Variants in KIFC2 observed in about 807,000 individuals in gnomAD.
KIFC2 encodes the protein kinesin-like protein KIFC2.
Under a neutral mutation model 91.5 loss-of-function variants are expected in KIFC2, and 94 were observed. That is an observed-to-expected ratio of 1.03 (90% CI 0.87 to 1.22). The LOEUF (loss-of-function observed/expected upper bound fraction) is 1.22. Among genes scored for constraint, KIFC2 ranks in the 50% most tolerant of loss-of-function variants. KIFC2 has a pLI of 0.00. For missense variants in KIFC2, 1,357 were observed against 1,103.3 expected (o/e 1.23, Z -3.26); for synonymous variants, 729 against 503.9 (o/e 1.45, Z -5.98).
intron 12 of KIFC2, among the ~76,000 whole-genome samples, 193 bp from the exon 13 acceptor site, chr8:144,471,749 T>C (rs1325951596): frequency 6.6e-6 from 1 of 152,164 alleles, no homozygotes; most frequent in Non-Finnish European, 1.5e-5. Context: ...GGCAAATTCT[T>C]GCAAGCACCA....
rs1825059711 is a variant in KIFC2, at chr8:144,474,067, C to G, written c.*678C>G. ...AGACCAGGGTGAGGGTTGTGCCCAG[C>G]TGGGCCACGGCCATGCGTGGGGTGG... On this transcript the variant is annotated 3_prime_UTR_variant, in exon 18 of 18. Coordinates refer to ENST00000645548, the MANE Select transcript of KIFC2 (RefSeq NM_001369769.2). The G allele has an allele frequency of 2.6e-5, 16 of 609,698 alleles. No homozygotes were observed. Among genetic ancestry groups the G allele is most frequent in the Middle Eastern group, 4.4e-4 (1 of 2,254 alleles). The allele number at this position is 609,698 out of a possible 1,614,324, so 37.8% of individuals were successfully genotyped here.
Position 144,467,468 on chromosome 8 carries a change from G to C in KIFC2, c.470-17G>C. The stretch of plus-strand genomic sequence containing the variant: ...CTAGAGACCTCTTCAGTGCTAACTG[G>C]GCCCACCCTACTCCAGGATCCACAT... On this transcript the variant is annotated splice_polypyrimidine_tract_variant and intron_variant, in intron 4 of 17. Transcript: ENST00000645548. 1 of 1,550,864 alleles carries C rather than the reference G, an allele frequency of 6.4e-7. No homozygotes were observed. The highest frequency in any genetic ancestry group is 8.7e-7 in the Non-Finnish European group (1 of 1,151,840).
At chr8:144,470,754 C>T (rs1233570831) in intron 12 of KIFC2, 1 of 152,400 alleles carries the variant, frequency 6.6e-6, no homozygotes, top group African/African-American at 2.4e-5. Context: ...GCCACCATCC[C>T]CCGTACCTGC....
chr8:144,467,576 G>A lies in KIFC2; in HGVS notation c.561G>A (p.Gln187=), dbSNP rs761996209. ...AGACCCAGGGACAGCAGCCCCTCCA[G>A]TTGGAGGAGGATCAGAGGGCGTGGC... ...GDETQGQQPL[Q]LEEDQRAWQR... The change falls in exon 5 of 18, where the codon CAG becomes CAA. Residue 187 remains glutamine (Q), a synonymous_variant. Transcript: ENST00000645548. The A allele has an allele frequency of 2.9e-5, 47 of 1,605,056 alleles. No individual in the cohort carries two copies. The highest frequency in any genetic ancestry group is 3.8e-5 in the Non-Finnish European group (45 of 1,175,640).
At chr8:144,468,236 C>A in intron 7 of KIFC2, 93 bp from the exon 8 acceptor site, 2 of 1,212,496 alleles carry the variant, frequency 1.6e-6, no homozygotes, top group Non-Finnish European at 2.4e-6. Context: ...TCACAGCCAG[C>A]TCTGCCCACC....
chr8:144,470,399 C>A (rs1824879176), intron 12 of KIFC2, among the ~76,000 whole-genome samples: 2 of 152,274 alleles, frequency 1.3e-5, no homozygotes. Context: ...AGGGTCCTCT[C>A]AGTCAATGTG....
In KIFC2 at chr8:144,473,166, T is replaced by C. The variant is rs1246540036; in HGVS notation, c.2153T>C (p.Val718Ala). 14 of 1,574,372 alleles carry C rather than the reference T, an allele frequency of 8.9e-6. No individual in the cohort carries two copies. Among genetic ancestry groups the C allele is most frequent in the Non-Finnish European group, 1.1e-5 (13 of 1,160,820 alleles). ...CGGCCGGAGGATCTCGGGGAGACAG[T>C]CTGCTCCCTCAAGTTCGCCGACCGA... Reference protein sequence around the residue: ...STRPEDLGETVCSLKFADRVG... With the variant: ...STRPEDLGETACSLKFADRVG... Residue 718 changes from valine to alanine, a missense_variant, in exon 18 of 18, where the codon GTC (valine) becomes GCC (alanine). Transcript: ENST00000645548.
chr8:144,471,395 C>T (rs1177860606), intron 12 of KIFC2, among the ~76,000 whole-genome samples: 5 of 151,366 alleles, frequency 3.3e-5, no homozygotes, highest in African/African-American at 1.2e-4. Context: ...ACTACAACCT[C>T]TGCTTCCTGG....
Position 144,466,468 on chromosome 8 carries a change from C to A in KIFC2, c.49C>A (p.Arg17Ser). 7.4e-7 allele frequency: 1 copy of A among 1,354,028 alleles called. No homozygotes were observed. Among genetic ancestry groups the A allele is most frequent in the Non-Finnish European group, 9.6e-7 (1 of 1,042,002 alleles). 83.9% of individuals were successfully genotyped at this position (1,354,028 alleles called of 1,614,324 possible). A position where few individuals can be genotyped will look rare whatever the true frequency, so the allele number is the denominator to read the frequency against. Reference sequence around the variant, plus strand: ...CATCTACATCTTCTACAGCCTCTTCCGCAGGGATGGTGGCGCCGCGGCGGC... The same window carrying A: ...CATCTACATCTTCTACAGCCTCTTCAGCAGGGATGGTGGCGCCGCGGCGGC... ...LLIYIFYSLF[R>S]RDGGAAAAAE... Residue 17 changes from arginine to serine, a missense_variant, in exon 1 of 18, where the codon CGC becomes AGC. Coordinates refer to ENST00000645548, the MANE Select transcript of KIFC2 (RefSeq NM_001369769.2).
rs776026629 is a variant in KIFC2 at position 144,472,323 on chromosome 8, G to C, written c.1608-38G>C. ...GGCCCAGGGCCCTTCCGGATTTCCAGAGAATTCTGGAACCAAGACCTTCCC... is the reference window on the plus strand; with the variant it reads ...GGCCCAGGGCCCTTCCGGATTTCCACAGAATTCTGGAACCAAGACCTTCCC... On this transcript the variant is annotated intron_variant, in intron 14 of 17. Coordinates refer to ENST00000645548, the MANE Select transcript of KIFC2 (RefSeq NM_001369769.2). 6.2e-6 allele frequency: 10 copies of C among 1,613,374 alleles called. No homozygotes were observed. In the East Asian group the frequency reaches 8.9e-5, roughly 14 times the overall value.
chr8:144,468,322 C>G lies in KIFC2; in HGVS notation c.811-7C>G. 1 of 1,607,908 alleles carries G rather than the reference C, an allele frequency of 6.2e-7. No homozygotes were observed. Among genetic ancestry groups the G allele is most frequent in the Non-Finnish European group, 8.5e-7 (1 of 1,177,772 alleles). The stretch of plus-strand genomic sequence containing the variant: ...CTGAGTCCCTCCTGGCCCCCACCCT[C>G]CCGCAGGAGGAGGCAGAGGCATTGC... On this transcript the variant is annotated splice_region_variant and splice_polypyrimidine_tract_variant and intron_variant, in intron 7 of 17. Coordinates refer to ENST00000645548, the MANE Select transcript of KIFC2 (RefSeq NM_001369769.2).
Position 144,472,665 on chromosome 8 carries a change from C to T in KIFC2, c.1820C>T (p.Thr607Met). ...SSRSHALVTL[T>M]LRAASPPRAP... Reference sequence around the variant, plus strand: ...CGCTCGCATGCCCTGGTCACGCTGACGCTGCGCGCGGCGTCTCCACCGCGC... The same window carrying T: ...CGCTCGCATGCCCTGGTCACGCTGATGCTGCGCGCGGCGTCTCCACCGCGC... Residue 607 changes from threonine (T) to methionine (M), a missense_variant, in exon 16 of 18, where the codon ACG becomes ATG. Coordinates refer to ENST00000645548, the MANE Select transcript of KIFC2 (RefSeq NM_001369769.2). 3.1e-6 allele frequency: 5 copies of T among 1,597,504 alleles called. No homozygotes were observed. The highest frequency in any genetic ancestry group is 3.4e-6 in the Non-Finnish European group (4 of 1,178,566).
At position 144,467,479 on chromosome 8, in the gene KIFC2, C is replaced by A; in HGVS notation, c.470-6C>A. The A allele has an allele frequency of 6.4e-7, 1 of 1,557,526 alleles. No individual in the cohort carries two copies. Among genetic ancestry groups the A allele is most frequent in the South Asian group, 1.2e-5 (1 of 81,242 alleles). ...TTCAGTGCTAACTGGGCCCACCCTACTCCAGGATCCACATCCCAAGAAGAA... is the reference window on the plus strand; with the variant it reads ...TTCAGTGCTAACTGGGCCCACCCTAATCCAGGATCCACATCCCAAGAAGAA... On this transcript the variant is annotated splice_polypyrimidine_tract_variant and splice_region_variant and intron_variant, in intron 4 of 17. Transcript: ENST00000645548.
rs1482950969 is a variant in KIFC2, at chr8:144,471,983, A to G, written c.1422A>G (p.Arg474=). 1.2e-6 allele frequency: 2 copies of G among 1,613,460 alleles called. No homozygotes were observed. ...ELEPAVLSCL[R]GYSVCIFTYG... ...AACCTGCGGTGCTGTCCTGCCTCCG[A>G]GGCTACAGCGTCTGCATCTTCACCT... is the stretch of plus-strand genomic sequence containing the variant. Residue 474 remains arginine, a synonymous_variant, in exon 13 of 18, where the codon CGA becomes CGG. Coordinates refer to ENST00000645548, the MANE Select transcript of KIFC2 (RefSeq NM_001369769.2).
rs1226977096 is a variant in KIFC2 at position 144,467,243 on chromosome 8, T to C, written c.371T>C (p.Leu124Pro). The change falls in exon 4 of 18, where the codon CTC (leucine) becomes CCC (proline). Residue 124 changes from leucine to proline, a missense_variant. By Grantham distance (98) the Leu-to-Pro change is moderately conservative. Coordinates refer to ENST00000645548, the MANE Select transcript of KIFC2 (RefSeq NM_001369769.2). ...TCACTGTTGACAGTGACCAGTCAGCTCTTGGCCCTTCTGGCATGGCTTCGA... is the reference window on the plus strand; with the variant it reads ...TCACTGTTGACAGTGACCAGTCAGCCCTTGGCCCTTCTGGCATGGCTTCGA... ...VPSLLTVTSQ[L>P]LALLAWLRSP... 6.2e-7 allele frequency: 1 copy of C among 1,613,624 alleles called. No individual in the cohort carries two copies. Among genetic ancestry groups the C allele is most frequent in the East Asian group, 2.2e-5 (1 of 44,876 alleles).
At position 144,467,466 on chromosome 8, in the gene KIFC2, T is replaced by G. The variant is rs1294170789; in HGVS notation, c.470-19T>G. On this transcript the variant is annotated intron_variant, in intron 4 of 17. Transcript: ENST00000645548. ...GACTAGAGACCTCTTCAGTGCTAAC[T>G]GGGCCCACCCTACTCCAGGATCCAC... The G allele has an allele frequency of 3.9e-6, 6 of 1,549,964 alleles. No individual in the cohort carries two copies. The highest frequency in any genetic ancestry group is 5.2e-6 in the Non-Finnish European group (6 of 1,151,460).
Position 144,467,564 on chromosome 8 carries a change from G to A in KIFC2, c.549G>A (p.Gln183=), listed in dbSNP as rs1348937237. The A allele has an allele frequency of 4.4e-6, 7 of 1,605,996 alleles. No homozygotes were observed. The highest frequency in any genetic ancestry group is 3.3e-4 in the Middle Eastern group (2 of 6,026). ...GEPLGDETQG[Q]QPLQLEEDQR... ...CACTGGGGGATGAGACCCAGGGACAGCAGCCCCTCCAGTTGGAGGAGGATC... is the reference window on the plus strand; with the variant it reads ...CACTGGGGGATGAGACCCAGGGACAACAGCCCCTCCAGTTGGAGGAGGATC... The change falls in exon 5 of 18, where the codon CAG becomes CAA. Residue 183 remains glutamine, a synonymous_variant. Transcript: ENST00000645548.
Position 144,467,339 on chromosome 8 carries a change from A to G in KIFC2, c.467A>G (p.Asp156Gly), listed in dbSNP as rs773802755. The change falls in exon 4 of 18, where the codon GAT becomes GGT. Residue 156 changes from aspartate (D) to glycine (G), a missense_variant and splice_region_variant. Coordinates refer to ENST00000645548, the MANE Select transcript of KIFC2 (RefSeq NM_001369769.2). Reference sequence around the variant, plus strand: ...CCTCGGGTCCGGCCCCCCTCTCCAGATGGTGAGTAAAGGACAGTAAGTTGA... The same window carrying G: ...CCTCGGGTCCGGCCCCCCTCTCCAGGTGGTGAGTAAAGGACAGTAAGTTGA... The part of the protein sequence containing the change: ...PAPRVRPPSP[D>G]GSTSQEESPS... 6 of 1,604,082 alleles carry G rather than the reference A, an allele frequency of 3.7e-6. No individual in the cohort carries two copies. The highest frequency in any genetic ancestry group is 1.1e-5 in the South Asian group (1 of 89,864).
rs923755751 is a variant in KIFC2, at chr8:144,467,498, A to G, written c.483A>G (p.Gln161=). ...RPPSPDGSTS[Q]EESPSHFTAV... ...ACCCTACTCCAGGATCCACATCCCA[A>G]GAAGAAAGCCCTTCCCACTTCACCG... Residue 161 remains glutamine (Q), a synonymous_variant, in exon 5 of 18, where the codon CAA becomes CAG. Coordinates refer to ENST00000645548, the MANE Select transcript of KIFC2 (RefSeq NM_001369769.2). 2 of 1,573,834 alleles carry G rather than the reference A, an allele frequency of 1.3e-6. No individual in the cohort carries two copies. The highest frequency in any genetic ancestry group is 1.4e-5 in the African/African-American group (1 of 73,392).
Sources: allele counts gnomAD v4.1 joint callset (sites outside exome capture counted in the v4.1 genomes callset), GRCh38; gene constraint gnomAD v4.1.1; transcripts MANE v1.5; gene names NCBI Gene and HGNC (gene_info 2026-07-23, HGNC 2026-07-21).